The following NCK1 variants were observed in gnomAD, a reference collection of about 807,000 sequenced individuals.
NCK1 encodes the protein NCK adaptor protein 1.
A neutral mutation model predicts 36.6 loss-of-function variants in NCK1; 19 were observed. The ratio of observed to expected loss-of-function variants is 0.52; its 90% CI spans 0.36 to 0.76. The LOEUF (loss-of-function observed/expected upper bound fraction) is 0.76. Ranked by LOEUF, NCK1 falls within the 30% of genes least tolerant of loss-of-function variation. NCK1 has a pLI of 0.00. For missense variants in NCK1, 358 were observed against 445.6 expected (o/e 0.80, Z 1.77); for synonymous variants, 165 against 156.0 (o/e 1.06, Z -0.43).
intron 1 of NCK1, chr3:136,899,643 T>C (rs1292484934): frequency 5.7e-6 from 4 of 702,622 alleles, no homozygotes; most frequent in Admixed American, 1.9e-5. Context: ...AATACCACCA[T>C]TGTCTTTCTT....
In NCK1 at chr3:136,932,597, C is replaced by G. The variant is rs139109793; in HGVS notation, c.226+4370C>G. On this transcript the variant is annotated intron_variant, in intron 2 of 3. Coordinates refer to ENST00000481752, the MANE Select transcript of NCK1 (RefSeq NM_001291999.2). ...ATATGTGGTATTTCTTAGTTCTGTT[C>G]CCAGACATATCACTTACAAGCCATG... Among the ~76,000 whole-genome samples, 146 of 152,204 alleles carry G rather than the reference C, an allele frequency of 9.6e-4. 3 individuals are homozygous for G. In the East Asian group the frequency reaches 0.027, roughly 28 times the overall value.
rs11455373 is a variant in NCK1, at chr3:136,917,232, C to CTTT, written c.-18-10739_-18-10737dup. 6.2e-3 allele frequency among the ~76,000 whole-genome samples: 859 copies of CTTT among 139,108 alleles called. 8 individuals are homozygous for CTTT. Among genetic ancestry groups the CTTT allele is most frequent in the African/African-American group, 9.4e-3 (355 of 37,658 alleles). 91.3% of individuals were successfully genotyped at this position (139,108 alleles called of 152,430 possible). On this transcript the variant is annotated intron_variant, in intron 1 of 3. Coordinates refer to ENST00000481752, the MANE Select transcript of NCK1 (RefSeq NM_001291999.2). ...GTAAACTTTCTTAAAACATTATGAG[C>CTTT]TTTTTTTTTTTTTTTGCTTAATCAG...
intron 1 of NCK1, among the ~76,000 whole-genome samples, chr3:136,892,433 G>C (rs890078963): frequency 1.3e-5 from 2 of 152,182 alleles, no homozygotes; most frequent in Admixed American, 6.5e-5. Context: ...GTGGGCTCTG[G>C]TAATCACAAG....
rs1265711227 is a variant in NCK1 at position 136,950,092 on chromosome 3, G to T, written c.*1639G>T. The stretch of plus-strand genomic sequence containing the variant: ...AGTTTTTAATGGAAATAAAAATCAT[G>T]TATGCTTATCTTTGCTGTAAAATCA... On this transcript the variant is annotated 3_prime_UTR_variant, in exon 4 of 4. Transcript: ENST00000481752. Among the ~76,000 whole-genome samples, 3 of 152,050 alleles carry T rather than the reference G, an allele frequency of 2.0e-5. No homozygotes were observed. Among genetic ancestry groups the T allele is most frequent in the Non-Finnish European group, 4.4e-5 (3 of 67,942 alleles).
intron 1 of NCK1, among the ~76,000 whole-genome samples, chr3:136,894,902 C>T (rs181791237): frequency 2.0e-5 from 3 of 151,370 alleles, no homozygotes; most frequent in Non-Finnish European, 2.9e-5. Flanking sequence ...GATGGAGTTT[C>T]ACTCTTGTTG....
rs773344757 is a variant in NCK1 at position 136,945,663 on chromosome 3, C to A, written c.307C>A (p.Arg103Ser). ...TGATAGTTTTGTTGACCCAGGGGAA[C>A]GTCTCTATGACCTCAACATGCCCGC... is the stretch of plus-strand genomic sequence containing the variant. ...ADDSFVDPGE[R>S]LYDLNMPAYV... is the part of the protein sequence containing the mutation. Residue 103 changes from arginine (R) to serine (S), a missense_variant, in exon 3 of 4, where the codon CGT (arginine) becomes AGT (serine). Coordinates refer to ENST00000481752, the MANE Select transcript of NCK1 (RefSeq NM_001291999.2). 1.2e-6 allele frequency: 2 copies of A among 1,614,060 alleles called. No individual in the cohort carries two copies. Among genetic ancestry groups the A allele is most frequent in the Non-Finnish European group, 1.7e-6 (2 of 1,179,976 alleles).
At chr3:136,884,881 T>G (rs967457158) in intron 1 of NCK1, among the ~76,000 whole-genome samples, 3 of 151,780 alleles carry the variant, frequency 2.0e-5, no homozygotes, top group Admixed American at 1.3e-4. Flanking sequence ...CCACCACAAC[T>G]GGCTAATTTT....
intron 1 of NCK1, among the ~76,000 whole-genome samples, chr3:136,911,964 A>G (rs1180261489): frequency 1.3e-5 from 2 of 152,032 alleles, no homozygotes; most frequent in Admixed American, 6.6e-5. Flanking sequence ...AAATCTGCTT[A>G]TAATATCATT....
intron 2 of NCK1, among the ~76,000 whole-genome samples, chr3:136,935,093 G>C (rs1274246156): frequency 1.3e-5 from 2 of 152,222 alleles, no homozygotes; most frequent in East Asian, 3.9e-4. Flanking sequence ...GTACTGACAG[G>C]GTTTCGCATG....
At chr3:136,911,618 A>G (rs572059702) in intron 1 of NCK1, among the ~76,000 whole-genome samples, 1 of 152,256 alleles carries the variant, frequency 6.6e-6, no homozygotes, top group African/African-American at 2.4e-5. Context: ...GGAGTTCCTT[A>G]TATATTTTGG....
chr3:136,904,855 AC>A (rs1939641325), intron 1 of NCK1, among the ~76,000 whole-genome samples: 1 of 138,072 alleles, frequency 7.2e-6, no homozygotes, highest in Non-Finnish European at 1.6e-5. Context: ...TTTAATTATT[AC>A]TTTTTGTCTC....
intron 1 of NCK1, among the ~76,000 whole-genome samples, chr3:136,909,849 T>G (rs1285801223): frequency 1.3e-5 from 2 of 152,232 alleles, no homozygotes; most frequent in Non-Finnish European, 2.9e-5. Flanking sequence ...CTCTTACACC[T>G]TCTTGTTTTA....
intron 1 of NCK1, among the ~76,000 whole-genome samples, chr3:136,924,347 C>T (rs1289258031): frequency 2.0e-5 from 3 of 152,150 alleles, no homozygotes; most frequent in Admixed American, 2.0e-4. Flanking sequence ...TGAAAATATA[C>T]ACTAGCCAAA....
chr3:136,875,130 A>G (rs1938730336), intron 1 of NCK1, among the ~76,000 whole-genome samples: 1 of 152,176 alleles, frequency 6.6e-6, no homozygotes, highest in African/African-American at 2.4e-5. Flanking sequence ...TGACAGATGT[A>G]TTAGTCTTTG....
At chr3:136,898,377 C>G (rs1348452824) in intron 1 of NCK1, among the ~76,000 whole-genome samples, 1 of 138,698 alleles carries the variant, frequency 7.2e-6, no homozygotes, top group Non-Finnish European at 1.6e-5. Flanking sequence ...ATAGGCAAGA[C>G]TCCCTCTCAA....
intron 1 of NCK1, among the ~76,000 whole-genome samples, chr3:136,871,518 T>G (rs1464978133): frequency 6.6e-6 from 1 of 152,224 alleles, no homozygotes; most frequent in Non-Finnish European, 1.5e-5. Flanking sequence ...ATCACTCAAA[T>G]CCAGATGTGG....
intron 1 of NCK1, among the ~76,000 whole-genome samples, chr3:136,876,416 TAAAGAA>T (rs1938773149): frequency 6.6e-6 from 1 of 151,780 alleles, no homozygotes; most frequent in South Asian, 2.1e-4. Context: ...GCAAGACTAA[TAAAGAA>T]AAAGAGAAGA....
chr3:136,941,550 T>G (rs1384126617), intron 2 of NCK1, among the ~76,000 whole-genome samples: 2 of 152,224 alleles, frequency 1.3e-5, no homozygotes, highest in Non-Finnish European at 2.9e-5. Flanking sequence ...TTTGAATTAA[T>G]ACCAACTTAG....
intron 1 of NCK1, among the ~76,000 whole-genome samples, chr3:136,884,097 C>A (rs766297864): frequency 6.6e-6 from 1 of 151,876 alleles, no homozygotes. Context: ...AGAGGTGATA[C>A]GATGAAGTCA....
Sources: allele counts gnomAD v4.1 joint callset (sites outside exome capture counted in the v4.1 genomes callset), GRCh38; gene constraint gnomAD v4.1.1; transcripts MANE v1.5; gene names NCBI Gene and HGNC (gene_info 2026-07-23, HGNC 2026-07-21).